The following KLF9 variants were observed in gnomAD, a reference collection of about 807,000 sequenced individuals.
The protein encoded by KLF9 is KLF transcription factor 9.
In KLF9, 2 loss-of-function variants were observed where a neutral mutation model predicts 17.3. The ratio of observed to expected loss-of-function variants is 0.12; its 90% CI spans 0.05 to 0.36. KLF9 has a LOEUF of 0.36. Ranked by LOEUF, KLF9 falls within the 10% of genes least tolerant of loss-of-function variation. The pLI is 1.00. For missense variants in KLF9, 226 were observed against 333.2 expected, an observed-to-expected ratio of 0.68 and a Z score of 2.51; for synonymous variants, 138 against 139.2, an observed-to-expected ratio of 0.99 and a Z score of 0.06.
intron 1 of KLF9, among the ~76,000 whole-genome samples, chr9:70,412,590 G>A (rs1281715695): frequency 6.6e-6 from 1 of 152,122 alleles, no homozygotes; most frequent in East Asian, 1.9e-4. Flanking sequence ...ACAGGGGAGG[G>A]GCGGACACCA....
chr9:70,393,757 C>T (rs565201813), intron 1 of KLF9, among the ~76,000 whole-genome samples: 1 of 152,264 alleles, frequency 6.6e-6, no homozygotes, highest in East Asian at 1.9e-4. Flanking sequence ...AAAATCAAGA[C>T]TTCTTCTAGA....
intron 1 of KLF9, among the ~76,000 whole-genome samples, chr9:70,407,415 A>G (rs2118924619): frequency 6.6e-6 from 1 of 152,280 alleles, no homozygotes; most frequent in East Asian, 1.9e-4. Context: ...TCACCCAGGA[A>G]CCCACTTATA....
chr9:70,391,639 T>C (rs754688575), intron 1 of KLF9, among the ~76,000 whole-genome samples: 23 of 152,244 alleles, frequency 1.5e-4, no homozygotes, highest in Non-Finnish European at 3.2e-4. Context: ...GGGATCATTT[T>C]GATTTATCTG....
At position 70,412,844 on chromosome 9, in the gene KLF9, G is replaced by A. The variant is rs755982871; in HGVS notation, c.505+15C>T. The A allele has an allele frequency of 6.5e-7, 1 of 1,538,968 alleles. No individual in the cohort carries two copies. ...CTAACCCCAGAGCTCCGGGGGAGAG[G>A]GCGACGCCGCTAACCTGTATGCACT... On this transcript the variant is annotated intron_variant, in intron 1 of 1. Transcript: ENST00000377126.
At chr9:70,394,269 C>T (rs1427772408) in intron 1 of KLF9, among the ~76,000 whole-genome samples, 1 of 143,814 alleles carries the variant, frequency 7.0e-6, no homozygotes, top group Non-Finnish European at 1.5e-5. Context: ...TTAAATCATA[C>T]TGATATTATT....
rs2037146107 is a variant in KLF9 at position 70,390,406 on chromosome 9, A to AT, written c.506-2402_506-2401insA. 4.6e-5 allele frequency among the ~76,000 whole-genome samples: 7 copies of AT among 152,230 alleles called. No individual in the cohort carries two copies. In the South Asian group the frequency reaches 1.5e-3, roughly 32 times the overall value. On this transcript the variant is annotated intron_variant, in intron 1 of 1. Coordinates refer to ENST00000377126, the MANE Select transcript of KLF9 (RefSeq NM_001206.4). ...TGGGGCTGCAAAGAGGAAAAAAAAA[A>AT]GAGTTTCCCGTGAAAAACTCAATAA...
chr9:70,404,192 T>C (rs1209585915), intron 1 of KLF9, among the ~76,000 whole-genome samples: 1 of 152,244 alleles, frequency 6.6e-6, no homozygotes, highest in East Asian at 1.9e-4. Context: ...GAACCTGACA[T>C]ATAATAAATG....
rs574786387 is a variant in KLF9, at chr9:70,388,058, C to T, written c.506-53G>A. Reference sequence around the variant, plus strand: ...AGCTCAAAGAACATGAAAAAAATTCCGAAGGGCGGTCATGGTCAATAGTCC... The same window carrying T: ...AGCTCAAAGAACATGAAAAAAATTCTGAAGGGCGGTCATGGTCAATAGTCC... On this transcript the variant is annotated intron_variant, in intron 1 of 1. Coordinates refer to ENST00000377126, the MANE Select transcript of KLF9 (RefSeq NM_001206.4). The T allele has an allele frequency of 2.6e-5, 38 of 1,451,600 alleles. No homozygotes were observed. The South Asian group carries it at 4.1e-4, about 15-fold the overall frequency. 89.9% of individuals were successfully genotyped at this position (1,451,600 alleles called of 1,614,324 possible). A position where few individuals can be genotyped will look rare whatever the true frequency, so the allele number is the denominator to read the frequency against.
chr9:70,402,091 GA>G (rs2037226111), intron 1 of KLF9, among the ~76,000 whole-genome samples: 1 of 152,102 alleles, frequency 6.6e-6, no homozygotes, highest in Non-Finnish European at 1.5e-5. Context: ...TCAGGTTAGA[GA>G]AAATAGCCTA....
chr9:70,391,060 C>T (rs990616221), intron 1 of KLF9, among the ~76,000 whole-genome samples: 1 of 152,000 alleles, frequency 6.6e-6, no homozygotes, highest in Non-Finnish European at 1.5e-5. Flanking sequence ...GTGGCTTAGC[C>T]TCCTCACTGG....
intron 1 of KLF9, among the ~76,000 whole-genome samples, chr9:70,409,450 A>G (rs999164038): frequency 1.3e-5 from 2 of 151,738 alleles, no homozygotes; most frequent in Non-Finnish European, 2.9e-5. Context: ...ATGATTCAAC[A>G]TCAGCCTGTT....
chr9:70,401,701 A>AAAAAAAAAAG (rs2037223195), intron 1 of KLF9, among the ~76,000 whole-genome samples: 2 of 149,468 alleles, frequency 1.3e-5, no homozygotes, highest in African/African-American at 4.9e-5. Context: ...AAAAAAAAAA[A>AAAAAAAAAAG]AAAAGAAAAG....
chr9:70,404,741 G>A (rs960884813), intron 1 of KLF9, among the ~76,000 whole-genome samples: 1 of 152,064 alleles, frequency 6.6e-6, no homozygotes. Flanking sequence ...TAATTATAAT[G>A]GTGTGCTAAA....
At chr9:70,394,710 G>A (rs1027744061) in intron 1 of KLF9, among the ~76,000 whole-genome samples, 2 of 152,122 alleles carry the variant, frequency 1.3e-5, no homozygotes, top group Non-Finnish European at 2.9e-5. Context: ...TAAATTAAAG[G>A]TGCATTCACA....
Position 70,385,114 on chromosome 9 carries a change from T to C in KLF9, c.*2662A>G, listed in dbSNP as rs367989427. Reference sequence around the variant, plus strand: ...CTGCAATAGTCTTTCAAAAATTCAGTTTGGTTAAAAAAGTAAACAAAAATT... The same window carrying C: ...CTGCAATAGTCTTTCAAAAATTCAGCTTGGTTAAAAAAGTAAACAAAAATT... On this transcript the variant is annotated 3_prime_UTR_variant, in exon 2 of 2. Coordinates refer to ENST00000377126, the MANE Select transcript of KLF9 (RefSeq NM_001206.4). The C allele has an allele frequency of 2.0e-5, 3 of 152,760 alleles. No individual in the cohort carries two copies. The highest frequency in any genetic ancestry group is 7.2e-5 in the African/African-American group (3 of 41,588). 9.5% of individuals were successfully genotyped at this position (152,760 alleles called of 1,614,324 possible). A position where few individuals can be genotyped will look rare whatever the true frequency, so the allele number is the denominator to read the frequency against.
intron 1 of KLF9, among the ~76,000 whole-genome samples, chr9:70,393,177 C>T (rs189566815): frequency 1.4e-4 from 21 of 152,358 alleles, no homozygotes; most frequent in Middle Eastern, 3.4e-3. Flanking sequence ...AGACAGTCAT[C>T]AGGCCTCCAG....
chr9:70,398,636 C>T (rs1392507647), intron 1 of KLF9, among the ~76,000 whole-genome samples: 3 of 151,902 alleles, frequency 2.0e-5, no homozygotes, highest in African/African-American at 4.8e-5. Context: ...TTACAACAGG[C>T]ACCTGCCACC....
chr9:70,397,705 TG>T (rs1255056488), intron 1 of KLF9, among the ~76,000 whole-genome samples: 1 of 152,122 alleles, frequency 6.6e-6, no homozygotes. Context: ...AGTCAGATCA[TG>T]AAGAAGTGCA....
At chr9:70,393,638 G>A (rs2037165079) in intron 1 of KLF9, among the ~76,000 whole-genome samples, 1 of 152,164 alleles carries the variant, frequency 6.6e-6, no homozygotes, top group African/African-American at 2.4e-5. Flanking sequence ...ATTGCATCTA[G>A]CAAAAGTAAA....
Sources: allele counts gnomAD v4.1 joint callset (sites outside exome capture counted in the v4.1 genomes callset), GRCh38; gene constraint gnomAD v4.1.1; transcripts MANE v1.5; gene names NCBI Gene and HGNC (gene_info 2026-07-23, HGNC 2026-07-21).